Variants in TRAPPC12 observed in about 807,000 individuals in gnomAD.
TRAPPC12 encodes the protein trafficking protein particle complex subunit 12, also known as TPR repeat protein 15.
TRAPPC12 carries 61 observed loss-of-function variants against 69.2 expected under a neutral mutation model. That is an observed-to-expected ratio of 0.88 (90% CI 0.72 to 1.09). The LOEUF is 1.09. Ranked by LOEUF, TRAPPC12 falls within the 50% of genes least tolerant of loss-of-function variation. The pLI is 0.00. For missense variants in TRAPPC12, 1,101 were observed against 1,016.4 expected (o/e 1.08, Z -1.13); for synonymous variants, 469 against 438.9 (o/e 1.07, Z -0.86).
At chr2:3,392,204 T>G (rs957717647) in intron 2 of TRAPPC12, among the ~76,000 whole-genome samples, 2 of 152,204 alleles carry the variant, frequency 1.3e-5, no homozygotes, top group African/African-American at 4.8e-5. Flanking sequence ...TAAAGGTCTC[T>G]GGTCCTGTCC....
At chr2:3,450,446 A>G (rs9309707) in intron 6 of TRAPPC12, among the ~76,000 whole-genome samples, 47,282 of 151,914 alleles carry the variant, frequency 0.31, 7,855 homozygotes, top group East Asian at 0.67. Context: ...CAGTCTGGAA[A>G]CTTCCAGGTC....
At chr2:3,391,362 G>A (rs192497528) in intron 2 of TRAPPC12, among the ~76,000 whole-genome samples, 14 of 152,306 alleles carry the variant, frequency 9.2e-5, no homozygotes, top group Non-Finnish European at 1.9e-4. Context: ...TCGTATGACT[G>A]TGACTATTGC....
intron 5 of TRAPPC12, among the ~76,000 whole-genome samples, chr2:3,440,943 G>A (rs1053123149): frequency 6.6e-6 from 1 of 152,178 alleles, no homozygotes; most frequent in Non-Finnish European, 1.5e-5. Flanking sequence ...GTTTGATGTG[G>A]TAGATTATGT....
chr2:3,401,579 A>G (rs1169945646), intron 2 of TRAPPC12, among the ~76,000 whole-genome samples, 198 bp from the exon 3 acceptor site: 4 of 152,382 alleles, frequency 2.6e-5, no homozygotes, highest in Admixed American at 2.0e-4. Context: ...ATAAAGAGCA[A>G]TTCTAAAATT....
chr2:3,408,264 A>T (rs1041559321), intron 3 of TRAPPC12, among the ~76,000 whole-genome samples: 1 of 152,226 alleles, frequency 6.6e-6, no homozygotes, highest in Non-Finnish European at 1.5e-5. Flanking sequence ...CACTGGCAGC[A>T]CCAGTTAGTA....
intron 2 of TRAPPC12, among the ~76,000 whole-genome samples, chr2:3,399,033 G>A (rs1250253156): frequency 1.1e-4 from 16 of 152,198 alleles, no homozygotes; most frequent in African/African-American, 3.9e-4. Flanking sequence ...ACCTCCCTGC[G>A]CTGTCACCAC....
intron 2 of TRAPPC12, among the ~76,000 whole-genome samples, chr2:3,394,343 C>T (rs1660993277): frequency 6.6e-6 from 1 of 152,128 alleles, no homozygotes. Context: ...AAGGGGAGGG[C>T]CGGGCATGGT....
At chr2:3,418,239 A>G (rs1662558355) in intron 3 of TRAPPC12, among the ~76,000 whole-genome samples, 1 of 126,604 alleles carries the variant, frequency 7.9e-6, no homozygotes, top group South Asian at 2.7e-4. Context: ...ATCAATATAA[A>G]TAATAACTAA....
chr2:3,383,872 T>G (rs1017822494), intron 1 of TRAPPC12, among the ~76,000 whole-genome samples: 1 of 9,210 alleles, frequency 1.1e-4, no homozygotes. Context: ...TTCAGTCTTG[T>G]TTTTTTTTTT....
chr2:3,390,823 G>A (rs1283073601), intron 2 of TRAPPC12, among the ~76,000 whole-genome samples: 3 of 152,166 alleles, frequency 2.0e-5, no homozygotes, highest in Admixed American at 6.5e-5. Flanking sequence ...GGGGAAGACT[G>A]TGTGTGTAGG....
At chr2:3,406,971 G>A (rs1572108826) in intron 3 of TRAPPC12, among the ~76,000 whole-genome samples, 1 of 152,208 alleles carries the variant, frequency 6.6e-6, no homozygotes, top group African/African-American at 2.4e-5. Context: ...CTTACGTAAG[G>A]TGAAAAATGT....
rs1340137229 is a variant in TRAPPC12 at position 3,460,049 on chromosome 2, G to C, written c.1604-214G>C. On this transcript the variant is annotated intron_variant, in intron 7 of 11. Coordinates refer to ENST00000324266, the MANE Select transcript of TRAPPC12 (RefSeq NM_016030.6). Reference sequence around the variant, plus strand: ...CCCTCCTGGTTCTCTGATGCCGAGGGTCTCTTCCCAAAGCCACCTCTGGTC... The same window carrying C: ...CCCTCCTGGTTCTCTGATGCCGAGGCTCTCTTCCCAAAGCCACCTCTGGTC... The C allele has an allele frequency of 6.3e-6, 4 of 633,066 alleles. No homozygotes were observed. In the Admixed American group the frequency reaches 9.2e-5, roughly 15 times the overall value. The allele number at this position is 633,066 out of a possible 1,614,324, so 39.2% of individuals were successfully genotyped here.
intron 3 of TRAPPC12, among the ~76,000 whole-genome samples, chr2:3,417,591 T>TC (rs755042020): frequency 2.6e-5 from 4 of 152,048 alleles, no homozygotes; most frequent in African/African-American, 7.3e-5. Context: ...CGGCCTTGTG[T>TC]CCCCCCGAGC....
chr2:3,383,738 A>G (rs752542302), intron 1 of TRAPPC12, among the ~76,000 whole-genome samples: 1 of 151,894 alleles, frequency 6.6e-6, no homozygotes, highest in Non-Finnish European at 1.5e-5. Flanking sequence ...CCTGAGATTG[A>G]TACTGTGTCT....
chr2:3,405,824 T>C (rs146510511), intron 3 of TRAPPC12, among the ~76,000 whole-genome samples: 6 of 152,386 alleles, frequency 3.9e-5, no homozygotes, highest in Admixed American at 6.5e-5. Flanking sequence ...GTAACTCTTA[T>C]GATTCTTCAT....
chr2:3,459,914 A>G (rs959654792), intron 7 of TRAPPC12: 69 of 364,324 alleles, frequency 1.9e-4, no homozygotes, highest in African/African-American at 1.5e-3. Flanking sequence ...AGCTGCAGGC[A>G]ATGTCGTCGT....
chr2:3,468,462 G>A (rs956108724), intron 9 of TRAPPC12, among the ~76,000 whole-genome samples: 4 of 152,160 alleles, frequency 2.6e-5, no homozygotes, highest in East Asian at 1.9e-4. Context: ...AGTCATCATC[G>A]TCGTGTGTAG....
At chr2:3,478,997 C>A in intron 11 of TRAPPC12, 64 bp downstream of exon 11, 1 of 1,539,680 alleles carries the variant, frequency 6.5e-7, no homozygotes, top group South Asian at 1.1e-5. Context: ...AAACATACAC[C>A]CACACACGTC....
chr2:3,403,525 C>G (rs990331308), intron 3 of TRAPPC12, among the ~76,000 whole-genome samples: 7 of 152,174 alleles, frequency 4.6e-5, no homozygotes, highest in Non-Finnish European at 8.8e-5. Flanking sequence ...GCCACCGCAC[C>G]CGACCAGATT....
Sources: allele counts gnomAD v4.1 joint callset (sites outside exome capture counted in the v4.1 genomes callset), GRCh38; gene constraint gnomAD v4.1.1; transcripts MANE v1.5; gene names NCBI Gene and HGNC (gene_info 2026-07-23, HGNC 2026-07-21).